NPAS3: variants seen among roughly 807,000 people sequenced by gnomAD.
NPAS3 encodes the protein neuronal PAS domain protein 3, also known as neuronal PAS domain-containing protein 3.
NPAS3 carries 14 observed loss-of-function variants against 73.1 expected under a neutral mutation model. That is an observed-to-expected ratio of 0.19 (90% CI 0.13 to 0.30). The LOEUF is 0.30. NPAS3 is among the 10% of genes least tolerant of loss of function. The pLI, the probability that NPAS3 is intolerant of heterozygous loss-of-function variation, is 1.00. For missense variants in NPAS3, 1,096 were observed against 1,250.0 expected (o/e 0.88, Z 1.86); for synonymous variants, 620 against 541.5 (o/e 1.14, Z -2.01).
intron 1 of NPAS3, among the ~76,000 whole-genome samples, chr14:33,033,414 T>A (rs1397926811): frequency 6.6e-6 from 1 of 151,980 alleles, no homozygotes. Flanking sequence ...GGGAGGTGGA[T>A]GTTGCAGTGA....
chr14:32,953,083 C>A (rs1008038092), intron 1 of NPAS3, among the ~76,000 whole-genome samples: 20 of 131,190 alleles, frequency 1.5e-4, no homozygotes, highest in Non-Finnish European at 3.3e-4. Context: ...AACAAATCAT[C>A]AAACAAAAAG....
intron 2 of NPAS3, among the ~76,000 whole-genome samples, chr14:33,102,371 C>T (rs2042601841): frequency 6.6e-6 from 1 of 152,154 alleles, no homozygotes. Flanking sequence ...ACTCATAGAA[C>T]ACCTGGGTTC....
chr14:33,138,642 A>T (rs1354154747), intron 2 of NPAS3, among the ~76,000 whole-genome samples: 1 of 152,182 alleles, frequency 6.6e-6, no homozygotes, highest in Non-Finnish European at 1.5e-5. Context: ...AATTTTTTCC[A>T]TCAATTCCAA....
At chr14:33,013,275 A>G (rs1340366859) in intron 1 of NPAS3, among the ~76,000 whole-genome samples, 1 of 152,200 alleles carries the variant, frequency 6.6e-6, no homozygotes, top group African/African-American at 2.4e-5. Context: ...TTCTCCAGTT[A>G]TTAAAAAGGT....
chr14:33,118,527 T>C (rs2043135895), intron 2 of NPAS3, among the ~76,000 whole-genome samples: 1 of 152,160 alleles, frequency 6.6e-6, no homozygotes, highest in Admixed American at 6.5e-5. Context: ...CGGTCTGTCT[T>C]ATATGGGATA....
intron 1 of NPAS3, among the ~76,000 whole-genome samples, chr14:33,021,946 C>T (rs1395761533): frequency 2.0e-5 from 3 of 152,132 alleles, no homozygotes; most frequent in African/African-American, 4.8e-5. Context: ...TTATCATCCC[C>T]ATTGCACTGA....
At chr14:33,382,809 C>G (rs1594805488) in intron 4 of NPAS3, among the ~76,000 whole-genome samples, 1 of 151,978 alleles carries the variant, frequency 6.6e-6, no homozygotes, top group African/African-American at 2.4e-5. Context: ...TTTAAAAATT[C>G]CAGCTAGGCA....
At chr14:32,946,520 T>TGG (rs1032854532) in intron 1 of NPAS3, among the ~76,000 whole-genome samples, 19 of 152,280 alleles carry the variant, frequency 1.2e-4, no homozygotes, top group African/African-American at 4.6e-4. Context: ...GCGTGTGATG[T>TGG]GGGTGTTCAT....
At chr14:33,497,522 C>T (rs1419818359) in intron 4 of NPAS3, among the ~76,000 whole-genome samples, 1 of 152,088 alleles carries the variant, frequency 6.6e-6, no homozygotes, top group African/African-American at 2.4e-5. Flanking sequence ...TGGAACAGAA[C>T]AGACGCCTCA....
At chr14:33,154,541 G>T (rs1353174712) in intron 2 of NPAS3, among the ~76,000 whole-genome samples, 1 of 152,140 alleles carries the variant, frequency 6.6e-6, no homozygotes, top group Non-Finnish European at 1.5e-5. Flanking sequence ...TGCTGTATTT[G>T]TAAAGCCACT....
At chr14:33,175,426 A>G (rs1161531540) in intron 2 of NPAS3, among the ~76,000 whole-genome samples, 6 of 152,176 alleles carry the variant, frequency 3.9e-5, no homozygotes, top group African/African-American at 1.4e-4. Context: ...TTGTGCAGAG[A>G]ATTTTTTTAG....
chr14:33,401,254 G>A (rs2047433080), intron 4 of NPAS3, among the ~76,000 whole-genome samples: 1 of 152,144 alleles, frequency 6.6e-6, no homozygotes, highest in Non-Finnish European at 1.5e-5. Flanking sequence ...CCACAGAAGA[G>A]AGTGTAGAAT....
chr14:33,407,708 A>AT (rs951184999), intron 4 of NPAS3, among the ~76,000 whole-genome samples: 8 of 151,446 alleles, frequency 5.3e-5, no homozygotes, highest in African/African-American at 1.7e-4. Context: ...CCACCTTCTC[A>AT]TTTTTTTTCC....
At chr14:33,356,400 C>G (rs547825081) in intron 3 of NPAS3, among the ~76,000 whole-genome samples, 1 of 152,338 alleles carries the variant, frequency 6.6e-6, no homozygotes, top group Admixed American at 6.5e-5. Flanking sequence ...CCTTTCCTCC[C>G]TCTGTCTGCA....
chr14:33,251,614 G>T (rs963477613), intron 3 of NPAS3, among the ~76,000 whole-genome samples: 1 of 151,882 alleles, frequency 6.6e-6, no homozygotes, highest in East Asian at 1.9e-4. Flanking sequence ...TCTTCTACTG[G>T]AAGTGAGGAT....
chr14:33,597,501 T>C (rs2139980162), intron 5 of NPAS3, among the ~76,000 whole-genome samples: 1 of 152,362 alleles, frequency 6.6e-6, no homozygotes, highest in South Asian at 2.1e-4. Context: ...ACTAAAAATG[T>C]CTCATGGCAT....
intron 4 of NPAS3, among the ~76,000 whole-genome samples, chr14:33,452,637 T>C (rs1370624993): frequency 3.3e-5 from 5 of 151,834 alleles, no homozygotes; most frequent in South Asian, 2.1e-4. Context: ...TAGCCAGGCA[T>C]GATGGCGGGT....
intron 2 of NPAS3, among the ~76,000 whole-genome samples, chr14:33,211,420 G>T (rs1233931090): frequency 2.0e-5 from 3 of 152,128 alleles, no homozygotes; most frequent in African/African-American, 7.2e-5. Flanking sequence ...TGAGCACGGT[G>T]GTGCATGCCT....
chr14:33,474,638 G>A, intron 4 of NPAS3, among the ~76,000 whole-genome samples: 1 of 151,980 alleles, frequency 6.6e-6, no homozygotes, highest in Non-Finnish European at 1.5e-5. Flanking sequence ...GAGAATGAGA[G>A]CTCATACCAT....
Sources: gnomAD v4.1 joint callset for allele counts (sites outside exome capture counted in the v4.1 genomes callset) on GRCh38, gnomAD v4.1.1 for gene constraint, MANE v1.5 for transcripts, NCBI Gene and HGNC (gene_info 2026-07-23, HGNC 2026-07-21) for gene names.